NXPH1: variants seen among roughly 807,000 people sequenced by gnomAD.
NXPH1 encodes the protein neurexophilin-1.
In NXPH1, 5 loss-of-function variants were observed where a neutral mutation model predicts 23.7. The ratio of observed to expected loss-of-function variants is 0.21; its 90% CI spans 0.11 to 0.44. NXPH1 has a LOEUF of 0.44. Ranked by LOEUF, NXPH1 falls within the 20% of genes least tolerant of loss-of-function variation. The pLI, the probability that NXPH1 is intolerant of heterozygous loss-of-function variation, is 0.99. For synonymous variants in NXPH1, 144 were observed against 122.2 expected (o/e 1.18, Z -1.18); for missense variants, 324 against 321.6 (o/e 1.01, Z -0.06).
At chr7:8,640,874 A>C (rs569005510) in intron 2 of NXPH1, among the ~76,000 whole-genome samples, 1 of 152,214 alleles carries the variant, frequency 6.6e-6, no homozygotes, top group South Asian at 2.1e-4. Context: ...GGATCTCTTG[A>C]GTCTGGGAGT....
At chr7:8,469,671 T>C (rs779889654) in intron 2 of NXPH1, among the ~76,000 whole-genome samples, 1 of 152,164 alleles carries the variant, frequency 6.6e-6, no homozygotes, top group Non-Finnish European at 1.5e-5. Context: ...CTTTACACTT[T>C]AATTCTATCG....
chr7:8,514,914 TA>T (rs1253513922), intron 2 of NXPH1, among the ~76,000 whole-genome samples: 1 of 152,140 alleles, frequency 6.6e-6, no homozygotes, highest in African/African-American at 2.4e-5. Flanking sequence ...CCAAATGTTT[TA>T]CGGTCAGTTT....
chr7:8,471,000 C>G (rs1343730662), intron 2 of NXPH1, among the ~76,000 whole-genome samples: 2 of 151,908 alleles, frequency 1.3e-5, no homozygotes, highest in Admixed American at 6.6e-5. Flanking sequence ...GAAAAGTGAA[C>G]AGCTAATTGG....
At chr7:8,628,122 T>C (rs918278994) in intron 2 of NXPH1, among the ~76,000 whole-genome samples, 2 of 152,140 alleles carry the variant, frequency 1.3e-5, no homozygotes, top group Non-Finnish European at 2.9e-5. Context: ...TATATATTTT[T>C]TCCTGAATCA....
At chr7:8,545,068 A>C (rs1193789509) in intron 2 of NXPH1, among the ~76,000 whole-genome samples, 1 of 151,574 alleles carries the variant, frequency 6.6e-6, no homozygotes, top group East Asian at 1.9e-4. Flanking sequence ...ACTGAGGTTT[A>C]ACAGATGAGC....
intron 2 of NXPH1, among the ~76,000 whole-genome samples, chr7:8,566,548 G>C (rs1160226138): frequency 6.6e-6 from 1 of 151,710 alleles, no homozygotes; most frequent in Non-Finnish European, 1.5e-5. Flanking sequence ...ACAGAAGAAA[G>C]GCAAATTGGT....
At chr7:8,734,420 G>A (rs183993516) in intron 2 of NXPH1, among the ~76,000 whole-genome samples, 1 of 152,148 alleles carries the variant, frequency 6.6e-6, no homozygotes, top group East Asian at 1.9e-4. Context: ...GAACGTCAAT[G>A]GTAGCTTGAT....
chr7:8,458,144 C>T (rs1456242900), intron 2 of NXPH1, among the ~76,000 whole-genome samples: 2 of 152,218 alleles, frequency 1.3e-5, no homozygotes, highest in African/African-American at 4.8e-5. Context: ...ATATTCTACG[C>T]TTCTTCCTAT....
In NXPH1 at chr7:8,457,242, C is replaced by A. The variant is rs149138491; in HGVS notation, c.54+21475C>A. On this transcript the variant is annotated intron_variant, in intron 2 of 2. Coordinates refer to ENST00000405863, the MANE Select transcript of NXPH1 (RefSeq NM_152745.3). ...GCAACCATTTTACAACAGTTGGCAA[C>A]TGACACAAGGGAAATAAATGTCTAC... is the stretch of plus-strand genomic sequence containing the variant. Among the ~76,000 whole-genome samples the A allele has an allele frequency of 3.3e-5, 5 of 152,272 alleles. No homozygotes were observed. The East Asian group carries it at 9.7e-4, about 29-fold the overall frequency.
At chr7:8,450,259 AT>A in intron 2 of NXPH1, among the ~76,000 whole-genome samples, 1 of 152,306 alleles carries the variant, frequency 6.6e-6, no homozygotes, top group African/African-American at 2.4e-5. Flanking sequence ...TTCCTGTGGC[AT>A]TTAATCTAAT....
rs142452895 is a variant in NXPH1, at chr7:8,662,153, A to G, written c.55-88855A>G. Among the ~76,000 whole-genome samples, 1,161 of 147,862 alleles carry G rather than the reference A, an allele frequency of 7.9e-3. 13 individuals carry two copies. Among genetic ancestry groups the G allele is most frequent in the Middle Eastern group, 0.046 (13 of 284 alleles). ...TAAATGATTATTGCATATATTTTTG[A>G]GACATGGCATATGATTTTATATATA... On this transcript the variant is annotated intron_variant, in intron 2 of 2. Coordinates refer to ENST00000405863, the MANE Select transcript of NXPH1 (RefSeq NM_152745.3).
In NXPH1 at chr7:8,748,129, C is replaced by A. The variant is rs188556221; in HGVS notation, c.55-2879C>A. Among the ~76,000 whole-genome samples, 864 of 152,246 alleles carry A rather than the reference C, an allele frequency of 5.7e-3. 4 individuals carry two copies. The highest frequency in any genetic ancestry group is 9.4e-3 in the Non-Finnish European group (642 of 68,014). ...TCCCAAGGAATATTTTTCCTTTCAA[C>A]TTTATCCTATTAGAAATTAATATTT... On this transcript the variant is annotated intron_variant, in intron 2 of 2. Transcript: ENST00000405863.
At chr7:8,588,813 T>C (rs901361894) in intron 2 of NXPH1, among the ~76,000 whole-genome samples, 4 of 152,126 alleles carry the variant, frequency 2.6e-5, no homozygotes, top group African/African-American at 9.7e-5. Context: ...TGGGTTGACA[T>C]GGACAGGGTG....
rs74566030 is a variant in NXPH1, at chr7:8,662,356, T to G, written c.55-88652T>G. ...CATAAGTAAGAAAAGTGGACAGTTG[T>G]TTTTTATTTATTTCCGTTCATAAAT... On this transcript the variant is annotated intron_variant, in intron 2 of 2. Transcript: ENST00000405863. Among the ~76,000 whole-genome samples the G allele has an allele frequency of 5.6e-3, 848 of 152,012 alleles. 10 individuals are homozygous for G. Among genetic ancestry groups the G allele is most frequent in the African/African-American group, 0.019 (791 of 41,522 alleles).
At chr7:8,630,149 A>C (rs1293211846) in intron 2 of NXPH1, among the ~76,000 whole-genome samples, 1 of 152,108 alleles carries the variant, frequency 6.6e-6, no homozygotes, top group Admixed American at 6.6e-5. Context: ...TAATACTATG[A>C]TAATAGATGC....
chr7:8,508,025 C>T (rs1224575049), intron 2 of NXPH1, among the ~76,000 whole-genome samples: 2 of 152,092 alleles, frequency 1.3e-5, no homozygotes, highest in Non-Finnish European at 2.9e-5. Context: ...TTCAGTGGAT[C>T]TCATATCACT....
intron 2 of NXPH1, among the ~76,000 whole-genome samples, chr7:8,535,300 A>G (rs913083734): frequency 1.3e-5 from 2 of 152,132 alleles, no homozygotes; most frequent in African/African-American, 4.8e-5. Context: ...TAATGGGGAC[A>G]AATTTAGAGA....
intron 2 of NXPH1, among the ~76,000 whole-genome samples, chr7:8,685,518 G>A (rs772690465): frequency 2.0e-5 from 3 of 151,646 alleles, no homozygotes; most frequent in South Asian, 2.1e-4. Flanking sequence ...TTGCTGGACT[G>A]TTAAGTTGCT....
At chr7:8,517,980 C>T (rs896579805) in intron 2 of NXPH1, among the ~76,000 whole-genome samples, 4 of 152,118 alleles carry the variant, frequency 2.6e-5, no homozygotes, top group Non-Finnish European at 2.9e-5. Flanking sequence ...CTGCAATATT[C>T]ATCAAACATG....
Sources: allele counts gnomAD v4.1 joint callset (sites outside exome capture counted in the v4.1 genomes callset), GRCh38; gene constraint gnomAD v4.1.1; transcripts MANE v1.5; gene names NCBI Gene and HGNC (gene_info 2026-07-23, HGNC 2026-07-21).